CACNA2D3: variants seen among roughly 807,000 people sequenced by gnomAD.
The protein encoded by CACNA2D3 is calcium voltage-gated channel auxiliary subunit alpha2delta 3.
Under a neutral mutation model 160.6 loss-of-function variants are expected in CACNA2D3, and 60 were observed. The observed-to-expected ratio is 0.37, with a 90% CI of 0.30 to 0.46. CACNA2D3 has a LOEUF of 0.46. CACNA2D3 is among the 20% of genes least tolerant of loss of function. The pLI is 1.00. For synonymous variants in CACNA2D3, 558 were observed against 492.9 expected, an observed-to-expected ratio of 1.13 and a Z score of -1.75; for missense variants, 1,205 against 1,365.0, an observed-to-expected ratio of 0.88 and a Z score of 1.85.
intron 2 of CACNA2D3, among the ~76,000 whole-genome samples, chr3:54,208,768 A>G (rs1324230430): frequency 6.6e-6 from 1 of 151,844 alleles, no homozygotes; most frequent in Admixed American, 6.6e-5. Context: ...AATTATCACA[A>G]TGTATTTGGT....
intron 3 of CACNA2D3, among the ~76,000 whole-genome samples, chr3:54,348,792 G>C (rs1401212210): frequency 6.6e-6 from 1 of 152,104 alleles, no homozygotes; most frequent in Non-Finnish European, 1.5e-5. Context: ...GCTGTGGCAC[G>C]ATCCCCACTC....
At chr3:54,547,636 A>T (rs1005371815) in intron 5 of CACNA2D3, among the ~76,000 whole-genome samples, 3 of 135,422 alleles carry the variant, frequency 2.2e-5, no homozygotes, top group Admixed American at 1.5e-4. Flanking sequence ...GACATAGAGG[A>T]TTTATTTATA....
chr3:55,000,661 GA>G (rs1282339179), intron 31 of CACNA2D3, among the ~76,000 whole-genome samples: 2 of 152,184 alleles, frequency 1.3e-5, no homozygotes, highest in Non-Finnish European at 2.9e-5. Flanking sequence ...TAGAGCCTTT[GA>G]AAATGATCCA....
Position 54,441,254 on chromosome 3 carries a change from C to T in CACNA2D3, c.381+54480C>T, listed in dbSNP as rs546010704. ...GGTGGCCAGTGATGATGAGCATTTTCTCATGTGTCTTTTGGCTACATAAAT... is the reference window on the plus strand; with the variant it reads ...GGTGGCCAGTGATGATGAGCATTTTTTCATGTGTCTTTTGGCTACATAAAT... On this transcript the variant is annotated intron_variant, in intron 4 of 37. Transcript: ENST00000474759. Among the ~76,000 whole-genome samples, 324 of 152,112 alleles carry T rather than the reference C, an allele frequency of 2.1e-3. 1 individual carries two copies. The highest frequency in any genetic ancestry group is 4.0e-3 in the Non-Finnish European group (272 of 67,988).
intron 5 of CACNA2D3, among the ~76,000 whole-genome samples, chr3:54,520,275 A>T (rs917651299): frequency 6.6e-6 from 1 of 152,216 alleles, no homozygotes; most frequent in African/African-American, 2.4e-5. Context: ...GACCAGCACC[A>T]TCTCCCTTCC....
chr3:54,841,247 T>G (rs1698814452), intron 16 of CACNA2D3, among the ~76,000 whole-genome samples: 1 of 152,252 alleles, frequency 6.6e-6, no homozygotes, highest in Non-Finnish European at 1.5e-5. Context: ...CGGCCTCATT[T>G]TTACTTAAGG....
chr3:54,330,248 G>A (rs1430424582), intron 3 of CACNA2D3, among the ~76,000 whole-genome samples: 1 of 145,308 alleles, frequency 6.9e-6, no homozygotes, highest in Non-Finnish European at 1.5e-5. Flanking sequence ...GTGTGTGTGT[G>A]TCACTTGGGA....
intron 16 of CACNA2D3, among the ~76,000 whole-genome samples, 191 bp from the exon 17 acceptor site, chr3:54,846,202 T>G (rs1698928438): frequency 6.6e-6 from 1 of 152,248 alleles, no homozygotes; most frequent in Non-Finnish European, 1.5e-5. Flanking sequence ...GAGCTTATCC[T>G]CTGACAGGTC....
intron 27 of CACNA2D3, among the ~76,000 whole-genome samples, chr3:54,907,162 C>A (rs78015352): frequency 6.6e-6 from 1 of 152,182 alleles, no homozygotes; most frequent in Admixed American, 6.5e-5. Flanking sequence ...TCTAAATCAG[C>A]AAGTTAAGCC....
chr3:54,159,787 G>A (rs547163564), intron 2 of CACNA2D3, among the ~76,000 whole-genome samples: 5 of 152,202 alleles, frequency 3.3e-5, no homozygotes, highest in Admixed American at 1.3e-4. Flanking sequence ...CTTTTCCCTG[G>A]AGAGGATTCA....
chr3:54,626,700 A>AAAAG, intron 9 of CACNA2D3: 1 of 740,860 alleles, frequency 1.3e-6, no homozygotes, highest in Non-Finnish European at 2.3e-6. Flanking sequence ...AAAAAAAAAA[A>AAAAG]AAAAAAAAAG....
Position 54,122,807 on chromosome 3 carries a change from C to A in CACNA2D3, c.94C>A (p.Arg32Ser), listed in dbSNP as rs1160951139. The A allele has an allele frequency of 1.1e-5, 14 of 1,232,224 alleles. No individual in the cohort carries two copies. The highest frequency in any genetic ancestry group is 1.4e-5 in the Non-Finnish European group (14 of 982,630). The allele number at this position is 1,232,224 out of a possible 1,614,324, so 76.3% of individuals were successfully genotyped here. ...LLYAALGDVV[R>S]SEQQIPLSVV... ...CTACGCCGCGCTGGGGGACGTGGTG[C>A]GCTCGGAGCAGCAGATACCGCTCTC... The change falls in exon 1 of 38, where the codon CGC becomes AGC. Residue 32 changes from arginine to serine, a missense_variant. Arg to Ser is a moderately radical substitution (Grantham distance 110). Around this residue, in one of 3 missense-constraint regions of CACNA2D3, gnomAD observed 163 missense variants for 161.3 expected, o/e 1.01. Transcript: ENST00000474759.
chr3:54,519,485 C>T (rs1701611507), intron 5 of CACNA2D3, among the ~76,000 whole-genome samples: 1 of 152,168 alleles, frequency 6.6e-6, no homozygotes, highest in African/African-American at 2.4e-5. Flanking sequence ...AACAGCCCCA[C>T]CCCAGAGTGA....
intron 17 of CACNA2D3, among the ~76,000 whole-genome samples, chr3:54,867,161 A>T (rs999335335): frequency 1.2e-4 from 18 of 152,152 alleles, no homozygotes; most frequent in African/African-American, 4.3e-4. Context: ...GAAGAAGAAG[A>T]AGTGGTGGAG....
intron 4 of CACNA2D3, among the ~76,000 whole-genome samples, chr3:54,462,768 C>T (rs1700531695): frequency 1.3e-5 from 2 of 152,000 alleles, no homozygotes. Context: ...GCATTTAGTC[C>T]ATTTGCATTT....
intron 11 of CACNA2D3, among the ~76,000 whole-genome samples, chr3:54,700,664 A>C (rs1700751316): frequency 6.6e-6 from 1 of 152,248 alleles, no homozygotes; most frequent in Non-Finnish European, 1.5e-5. Context: ...ACTTGAATCA[A>C]TAACCAGTTG....
At chr3:54,705,841 G>T (rs986731116) in intron 11 of CACNA2D3, among the ~76,000 whole-genome samples, 2 of 152,164 alleles carry the variant, frequency 1.3e-5, no homozygotes, top group Admixed American at 1.3e-4. Flanking sequence ...CTATTGTCTT[G>T]TTCATACTAG....
intron 11 of CACNA2D3, among the ~76,000 whole-genome samples, chr3:54,678,004 G>C (rs899837203): frequency 6.6e-6 from 1 of 152,048 alleles, no homozygotes; most frequent in Non-Finnish European, 1.5e-5. Flanking sequence ...CAAAAATGTC[G>C]ATTATTTTAA....
rs571890087 is a variant in CACNA2D3, at chr3:54,606,017, A to G, written c.964-21770A>G. Among the ~76,000 whole-genome samples, 8 of 152,306 alleles carry G rather than the reference A, an allele frequency of 5.3e-5. No individual in the cohort carries two copies. The East Asian group carries it at 7.7e-4, about 15-fold the overall frequency. ...AGTACAGAGTCTGATCCATTTCTGT[A>G]GCTTAGATTAACTATTCTTCCTTTT... On this transcript the variant is annotated intron_variant, in intron 9 of 37. Coordinates refer to ENST00000474759, the MANE Select transcript of CACNA2D3 (RefSeq NM_018398.3).
Sources: allele counts gnomAD v4.1 joint callset (sites outside exome capture counted in the v4.1 genomes callset), GRCh38; gene constraint gnomAD v4.1.1; regional missense constraint gnomAD v4.1.1; transcripts MANE v1.5; gene names NCBI Gene and HGNC (gene_info 2026-07-23, HGNC 2026-07-21).